GSPT1: variants seen among roughly 807,000 people sequenced by gnomAD.
GSPT1 encodes G1 to S phase transition 1.
A neutral mutation model predicts 72.5 loss-of-function variants in GSPT1; 20 were observed. The observed-to-expected ratio is 0.28, with a 90% CI of 0.19 to 0.40. The LOEUF (loss-of-function observed/expected upper bound fraction) is 0.40. Among genes scored for constraint, GSPT1 ranks in the 10% least tolerant of loss-of-function variants. GSPT1 has a pLI of 1.00. For missense variants in GSPT1, 580 were observed against 811.9 expected (o/e 0.71, Z 3.47); for synonymous variants, 334 against 293.5 (o/e 1.14, Z -1.41).
At chr16:11,902,291 A>G (rs937132962) in intron 1 of GSPT1, among the ~76,000 whole-genome samples, 2 of 149,096 alleles carry the variant, frequency 1.3e-5, no homozygotes, top group African/African-American at 4.9e-5. Context: ...CCAAGGCAGG[A>G]GAATGGCATG....
At chr16:11,884,003 G>A (rs977257685) in intron 10 of GSPT1, among the ~76,000 whole-genome samples, 1 of 151,824 alleles carries the variant, frequency 6.6e-6, no homozygotes, top group African/African-American at 2.4e-5. Context: ...CTGATCTCTA[G>A]GCCTGTTTCC....
chr16:11,868,520 T>C lies in GSPT1; in HGVS notation c.*4599A>G, dbSNP rs1664804859. The C allele has an allele frequency of 6.6e-6, 1 of 152,308 alleles. No homozygotes were observed. The highest frequency in any genetic ancestry group is 2.1e-4 in the South Asian group (1 of 4,824). The allele number at this position is 152,308 out of a possible 1,614,324, so 9.4% of individuals were successfully genotyped here. On this transcript the variant is annotated 3_prime_UTR_variant, in exon 15 of 15. Coordinates refer to ENST00000434724, the MANE Select transcript of GSPT1 (RefSeq NM_002094.4). ...GAGCCTGATGTGTGAGTCCTTAAAA[T>C]GTAGACCTTGCAGGAGGCTTAGACC...
In GSPT1 at chr16:11,872,760, TG is replaced by T. The variant is rs1276043878; in HGVS notation, c.*358del. On this transcript the variant is annotated 3_prime_UTR_variant, in exon 15 of 15. Transcript: ENST00000434724. ...ACTCGCACACTCAGAATGATCTGCCTGGGGGAAAAATACTAAATATGCCTAA... is the reference window on the plus strand; with the variant it reads ...ACTCGCACACTCAGAATGATCTGCCTGGGGAAAAATACTAAATATGCCTAA... 1 of 187,264 alleles carries T rather than the reference TG, an allele frequency of 5.3e-6. No homozygotes were observed. The highest frequency in any genetic ancestry group is 1.3e-4 in the East Asian group (1 of 7,838). 11.6% of individuals were successfully genotyped at this position (187,264 alleles called of 1,614,324 possible). A position where few individuals can be genotyped will look rare whatever the true frequency, so the allele number is the denominator to read the frequency against.
chr16:11,888,677 G>C (rs1422496099), intron 6 of GSPT1, among the ~76,000 whole-genome samples: 2 of 152,012 alleles, frequency 1.3e-5, no homozygotes, highest in Non-Finnish European at 2.9e-5. Context: ...CAGGAGAATC[G>C]CTTGAACCCA....
chr16:11,913,702 G>A (rs1025801539), intron 1 of GSPT1, among the ~76,000 whole-genome samples: 1 of 152,218 alleles, frequency 6.6e-6, no homozygotes, highest in Non-Finnish European at 1.5e-5. Flanking sequence ...TGCAAAGTAA[G>A]GTAGGGAATG....
chr16:11,884,609 A>G (rs1344850664), intron 10 of GSPT1, among the ~76,000 whole-genome samples: 1 of 152,012 alleles, frequency 6.6e-6, no homozygotes, highest in African/African-American at 2.4e-5. Flanking sequence ...AAAATACAAA[A>G]AACAATTAGC....
chr16:11,903,395 G>C (rs922711408), intron 1 of GSPT1, among the ~76,000 whole-genome samples: 2 of 152,100 alleles, frequency 1.3e-5, no homozygotes, highest in Non-Finnish European at 2.9e-5. Flanking sequence ...TATAATCCCA[G>C]ATACTCAGGA....
rs1335701515 is a variant in GSPT1 at position 11,869,516 on chromosome 16, A to C, written c.*3603T>G. ...GTTTGATAAGGTAAGCCAACAATGA[A>C]TATAACATTTAACCATCCTAAAATC... On this transcript the variant is annotated 3_prime_UTR_variant, in exon 15 of 15. Transcript: ENST00000434724. The C allele has an allele frequency of 6.6e-6, 1 of 152,256 alleles. No homozygotes were observed. 9.4% of individuals were successfully genotyped at this position (152,256 alleles called of 1,614,324 possible). A position where few individuals can be genotyped will look rare whatever the true frequency, so the allele number is the denominator to read the frequency against.
intron 11 of GSPT1, 29 bp downstream of exon 11, chr16:11,882,986 A>C (rs2054140170): frequency 2.8e-6 from 4 of 1,410,954 alleles, no homozygotes; most frequent in Non-Finnish European, 4.0e-6. Context: ...ATCAATAAAT[A>C]GATAGGAAAC....
intron 9 of GSPT1, among the ~76,000 whole-genome samples, chr16:11,885,875 A>G (rs940549636): frequency 6.6e-5 from 10 of 152,192 alleles, no homozygotes; most frequent in Non-Finnish European, 1.0e-4. Context: ...TGGTTAACAG[A>G]GTGAAAACCT....
chr16:11,884,639 C>T (rs138765190), intron 10 of GSPT1, among the ~76,000 whole-genome samples: 16 of 152,156 alleles, frequency 1.1e-4, no homozygotes, highest in African/African-American at 3.9e-4. Flanking sequence ...TGGCACACGC[C>T]TGTAGTCCCA....
chr16:11,915,688 G>GCTGCTC lies in GSPT1; in HGVS notation c.32_33insGAGCAG (p.Gly11_Gly12insSerSer). On this transcript the variant is annotated inframe_insertion, in exon 1 of 15. Transcript: ENST00000434724. The stretch of plus-strand genomic sequence containing the variant: ...CGCTGCTGCTCCCGCCGCCGCCGCC[G>GCTGCTC]CCGCCGCCGCCGCCGCCACTGCCCG... 6.8e-7 allele frequency: 1 copy of GCTGCTC among 1,479,160 alleles called. No individual in the cohort carries two copies. Among genetic ancestry groups the GCTGCTC allele is most frequent in the Non-Finnish European group, 8.9e-7 (1 of 1,119,624 alleles). The allele number at this position is 1,479,160 out of a possible 1,614,324, so 91.6% of individuals were successfully genotyped here.
rs572282534 is a variant in GSPT1, at chr16:11,871,027, T to A, written c.*2092A>T. 2.6e-5 allele frequency: 4 copies of A among 152,352 alleles called. No individual in the cohort carries two copies. The South Asian group carries it at 8.3e-4, about 32-fold the overall frequency. The allele number at this position is 152,352 out of a possible 1,614,324, so 9.4% of individuals were successfully genotyped here. The stretch of plus-strand genomic sequence containing the variant: ...GGCTCTTGAACTTTTAAATATTCAT[T>A]AAAATTCAAGCAATTGCTAGTATTT... On this transcript the variant is annotated 3_prime_UTR_variant, in exon 15 of 15. Coordinates refer to ENST00000434724, the MANE Select transcript of GSPT1 (RefSeq NM_002094.4).
intron 6 of GSPT1, among the ~76,000 whole-genome samples, chr16:11,888,023 G>A (rs1026576011): frequency 9.9e-5 from 15 of 152,156 alleles, no homozygotes; most frequent in African/African-American, 3.6e-4. Flanking sequence ...TTAGCTGGGT[G>A]TGGAGGAGCC....
At chr16:11,914,744 G>A (rs1313243777) in intron 1 of GSPT1, among the ~76,000 whole-genome samples, 2 of 152,174 alleles carry the variant, frequency 1.3e-5, no homozygotes, top group Non-Finnish European at 2.9e-5. Context: ...GTAAACTTTA[G>A]AAGCGTACAC....
chr16:11,912,148 G>C (rs1322962161), intron 1 of GSPT1, among the ~76,000 whole-genome samples: 1 of 150,164 alleles, frequency 6.7e-6, no homozygotes, highest in Non-Finnish European at 1.5e-5. Flanking sequence ...TTCAAGACCA[G>C]CCTAGCCAAC....
intron 1 of GSPT1, among the ~76,000 whole-genome samples, chr16:11,902,404 CAAAA>C (rs775362322): frequency 4.9e-5 from 3 of 61,572 alleles, no homozygotes; most frequent in Non-Finnish European, 5.9e-5. Flanking sequence ...GACTCTGTCT[CAAAA>C]AAAAAAAAAA....
At chr16:11,909,359 C>T (rs2150891266) in intron 1 of GSPT1, among the ~76,000 whole-genome samples, 1 of 152,296 alleles carries the variant, frequency 6.6e-6, no homozygotes, top group East Asian at 1.9e-4. Flanking sequence ...GCAGAAACTT[C>T]TAAGCCTTGA....
At chr16:11,912,821 T>C (rs142846084) in intron 1 of GSPT1, among the ~76,000 whole-genome samples, 4 of 152,372 alleles carry the variant, frequency 2.6e-5, no homozygotes, top group Non-Finnish European at 4.4e-5. Context: ...TACTTGGCTC[T>C]AGAGAACTGT....
Sources: gnomAD v4.1 joint callset for allele counts (sites outside exome capture counted in the v4.1 genomes callset) on GRCh38, gnomAD v4.1.1 for gene constraint, MANE v1.5 for transcripts, NCBI Gene and HGNC (gene_info 2026-07-23, HGNC 2026-07-21) for gene names.